RARB: variants seen among roughly 807,000 people sequenced by gnomAD.
RARB encodes the protein HBV-activated protein.
A neutral mutation model predicts 51.9 loss-of-function variants in RARB; 17 were observed. The observed-to-expected ratio is 0.33, with a 90% CI of 0.22 to 0.49. The LOEUF (loss-of-function observed/expected upper bound fraction) is 0.49, where lower values mean the gene tolerates loss of function less well. Among genes scored for constraint, RARB ranks in the 20% least tolerant of loss-of-function variants. The pLI is 0.99. For missense variants in RARB, 369 were observed against 550.8 expected (o/e 0.67, Z 3.30); for synonymous variants, 215 against 195.4 (o/e 1.10, Z -0.84).
intron 2 of RARB, among the ~76,000 whole-genome samples, chr3:24,863,282 G>A (rs139832785): frequency 5.9e-4 from 90 of 152,294 alleles, no homozygotes; most frequent in African/African-American, 1.7e-3. Context: ...AACCAACCGA[G>A]CTAACCAGCC....
chr3:25,064,158 A>G (rs928764992), intron 3 of RARB, among the ~76,000 whole-genome samples: 1 of 152,148 alleles, frequency 6.6e-6, no homozygotes, highest in Admixed American at 6.6e-5. Flanking sequence ...AAAGCAAGCA[A>G]GCATCCACTT....
chr3:25,200,081 A>C (rs1280658793), intron 5 of RARB, among the ~76,000 whole-genome samples: 1 of 152,062 alleles, frequency 6.6e-6, no homozygotes. Flanking sequence ...AAGTATTCCT[A>C]TTTCTCCACA....
At chr3:25,333,663 CA>C (rs1163203882) in intron 5 of RARB, among the ~76,000 whole-genome samples, 6 of 152,042 alleles carry the variant, frequency 3.9e-5, no homozygotes, top group Non-Finnish European at 8.8e-5. Flanking sequence ...CAACAAAAGC[CA>C]AAATTGACAA....
chr3:24,939,388 G>C (rs1297350611), intron 2 of RARB, among the ~76,000 whole-genome samples: 2 of 152,140 alleles, frequency 1.3e-5, no homozygotes, highest in African/African-American at 4.8e-5. Context: ...TTGAGGAACT[G>C]TCAAATTGTT....
At chr3:25,010,520 C>T (rs1697371630) in intron 2 of RARB, among the ~76,000 whole-genome samples, 1 of 152,094 alleles carries the variant, frequency 6.6e-6, no homozygotes, top group Admixed American at 6.6e-5. Flanking sequence ...TGCTACTGTA[C>T]TTGATGCCTT....
At chr3:25,184,564 A>G (rs1700932718) in intron 5 of RARB, among the ~76,000 whole-genome samples, 1 of 152,110 alleles carries the variant, frequency 6.6e-6, no homozygotes, top group Admixed American at 6.6e-5. Context: ...AAATGGAGTG[A>G]GAGAGGTGGC....
intron 2 of RARB, among the ~76,000 whole-genome samples, chr3:25,002,607 G>C (rs1037497696): frequency 3.9e-5 from 6 of 152,076 alleles, no homozygotes; most frequent in African/African-American, 1.4e-4. Context: ...TTAAGAACCA[G>C]AAAGTCACTT....
chr3:25,087,439 G>T (rs1699123981), intron 3 of RARB, among the ~76,000 whole-genome samples: 1 of 152,104 alleles, frequency 6.6e-6, no homozygotes, highest in South Asian at 2.1e-4. Context: ...TAATTCCTGG[G>T]TTCAAAACCA....
At chr3:25,504,982 T>G (rs1210620126) in intron 3 of RARB, among the ~76,000 whole-genome samples, 1 of 152,172 alleles carries the variant, frequency 6.6e-6, no homozygotes, top group Non-Finnish European at 1.5e-5. Flanking sequence ...ATTCATCATG[T>G]TGGCCAGGCT....
At chr3:24,908,661 C>CTTTTT (rs1189278172) in intron 2 of RARB, among the ~76,000 whole-genome samples, 20 of 47,002 alleles carry the variant, frequency 4.3e-4, no homozygotes, top group South Asian at 9.2e-4. Context: ...GTAACCACAA[C>CTTTTT]TGTTTTTTTT....
intron 5 of RARB, among the ~76,000 whole-genome samples, chr3:25,260,242 G>A (rs1052366525): frequency 2.0e-5 from 3 of 152,104 alleles, no homozygotes; most frequent in African/African-American, 7.2e-5. Context: ...GTTTTGCAAG[G>A]CTTTGTTCAT....
chr3:24,952,009 C>A (rs1196343307), intron 2 of RARB, among the ~76,000 whole-genome samples: 1 of 152,182 alleles, frequency 6.6e-6, no homozygotes, highest in East Asian at 1.9e-4. Flanking sequence ...GTGATTATTG[C>A]AATCTTTTAC....
chr3:25,097,047 C>G (rs1427596290), intron 3 of RARB, among the ~76,000 whole-genome samples: 2 of 152,076 alleles, frequency 1.3e-5, no homozygotes, highest in African/African-American at 4.8e-5. Flanking sequence ...ATAGGTTATT[C>G]CTTTTAGTTC....
chr3:24,869,425 CACTT>C (rs1342640666), intron 2 of RARB, among the ~76,000 whole-genome samples: 1 of 152,032 alleles, frequency 6.6e-6, no homozygotes, highest in Non-Finnish European at 1.5e-5. Flanking sequence ...AAAATTAAAA[CACTT>C]ATTTTCTTTT....
intron 3 of RARB, among the ~76,000 whole-genome samples, chr3:25,061,078 G>C (rs1038359090): frequency 2.0e-5 from 3 of 151,752 alleles, no homozygotes; most frequent in African/African-American, 7.3e-5. Context: ...TACCAGAATG[G>C]TCCTGAGTTT....
intron 3 of RARB, among the ~76,000 whole-genome samples, chr3:25,565,204 G>A (rs145133338): frequency 6.6e-6 from 1 of 152,172 alleles, no homozygotes; most frequent in African/African-American, 2.4e-5. Flanking sequence ...GATCCTGACT[G>A]TATCACTCAC....
chr3:25,103,652 A>C (rs17516350), intron 3 of RARB, among the ~76,000 whole-genome samples: 6,259 of 152,326 alleles, frequency 0.041, 169 homozygotes, highest in Middle Eastern at 0.075. Flanking sequence ...TTTCTCAGCT[A>C]ATCCTCACAG....
At chr3:25,018,016 C>T (rs2125283302) in intron 2 of RARB, among the ~76,000 whole-genome samples, 1 of 152,296 alleles carries the variant, frequency 6.6e-6, no homozygotes, top group Non-Finnish European at 1.5e-5. Flanking sequence ...ACACCTTGGT[C>T]TTGGACTACC....
At chr3:25,257,914 A>T (rs982098526) in intron 5 of RARB, among the ~76,000 whole-genome samples, 17 of 152,128 alleles carry the variant, frequency 1.1e-4, no homozygotes, top group Non-Finnish European at 2.2e-4. Context: ...GTGTCTACTC[A>T]TGAAGTTAGT....
Sources: gnomAD v4.1 joint callset for allele counts (sites outside exome capture counted in the v4.1 genomes callset) on GRCh38, gnomAD v4.1.1 for gene constraint, MANE v1.5 for transcripts, NCBI Gene and HGNC (gene_info 2026-07-23, HGNC 2026-07-21) for gene names.